SPAG16: variants seen among roughly 807,000 people sequenced by gnomAD.
SPAG16 encodes the protein sperm associated antigen 16.
Under a neutral mutation model 80.4 loss-of-function variants are expected in SPAG16, and 86 were observed. That is an observed-to-expected ratio of 1.07 (90% CI 0.90 to 1.28). SPAG16 has a LOEUF of 1.28. SPAG16 is among the 50% of genes most tolerant of loss of function. The pLI is 0.00. For missense variants in SPAG16, 870 were observed against 765.3 expected (o/e 1.14, Z -1.61); for synonymous variants, 294 against 265.9 (o/e 1.11, Z -1.03).
rs1231239311 is a variant in SPAG16 at position 214,173,587 on chromosome 2, C to T, written c.1720+24321C>T. Among the ~76,000 whole-genome samples the T allele has an allele frequency of 4.6e-5, 7 of 151,852 alleles. No homozygotes were observed. In the East Asian group the frequency reaches 1.4e-3, roughly 29 times the overall value. On this transcript the variant is annotated intron_variant, in intron 15 of 15. Transcript: ENST00000331683. ...CTGAAATTGTGGCAATAATCAATAG[C>T]TTACCAACCAAAAAGAGTCCAGGAC...
At chr2:214,370,806 C>T (rs757127015) in intron 15 of SPAG16, among the ~76,000 whole-genome samples, 37 of 152,134 alleles carry the variant, frequency 2.4e-4, no homozygotes, top group Non-Finnish European at 5.1e-4. Context: ...TTTATGGATG[C>T]CATTTTATTG....
intron 13 of SPAG16, among the ~76,000 whole-genome samples, chr2:214,091,800 C>G (rs1382096615): frequency 6.6e-6 from 1 of 152,052 alleles, no homozygotes; most frequent in African/African-American, 2.4e-5. Flanking sequence ...CCTACAATTC[C>G]TATCTTCTTC....
intron 10 of SPAG16, among the ~76,000 whole-genome samples, chr2:213,852,998 A>T (rs1349698706): frequency 6.6e-6 from 1 of 152,256 alleles, no homozygotes; most frequent in Non-Finnish European, 1.5e-5. Context: ...CAACCTGAAT[A>T]AAAGCATATG....
At chr2:213,287,678 G>A (rs905613184) in intron 1 of SPAG16, among the ~76,000 whole-genome samples, 10 of 152,112 alleles carry the variant, frequency 6.6e-5, no homozygotes, top group African/African-American at 2.4e-4. Context: ...CCAACCCCCA[G>A]CAGCAATTTC....
chr2:214,109,648 A>C (rs139618905), intron 14 of SPAG16, among the ~76,000 whole-genome samples: 1 of 152,208 alleles, frequency 6.6e-6, no homozygotes, highest in Non-Finnish European at 1.5e-5. Context: ...TGTCATTGTC[A>C]GGCCTGGGAA....
chr2:214,183,909 A>G (rs1001713788), intron 15 of SPAG16, among the ~76,000 whole-genome samples: 2 of 152,108 alleles, frequency 1.3e-5, no homozygotes, highest in African/African-American at 4.8e-5. Context: ...ATACAGGATA[A>G]GTACATATCT....
intron 10 of SPAG16, among the ~76,000 whole-genome samples, chr2:213,595,837 G>GT (rs768044209): frequency 1.3e-5 from 2 of 151,930 alleles, no homozygotes; most frequent in South Asian, 2.1e-4. Flanking sequence ...TTAGATAGCA[G>GT]TTTTTTTATT....
At chr2:214,011,207 T>A (rs1396952770) in intron 12 of SPAG16, among the ~76,000 whole-genome samples, 1 of 145,952 alleles carries the variant, frequency 6.9e-6, no homozygotes, top group East Asian at 2.0e-4. Flanking sequence ...TATACTAATA[T>A]TTAAAGATGA....
intron 6 of SPAG16, among the ~76,000 whole-genome samples, chr2:213,349,943 T>A (rs2065232739): frequency 6.6e-6 from 1 of 152,198 alleles, no homozygotes; most frequent in South Asian, 2.1e-4. Flanking sequence ...AGCTGTATGT[T>A]TTATCCATGT....
chr2:214,015,674 T>C (rs2047557988), intron 13 of SPAG16, among the ~76,000 whole-genome samples: 1 of 151,908 alleles, frequency 6.6e-6, no homozygotes, highest in South Asian at 2.1e-4. Context: ...AATGGTCATT[T>C]TGGAGGGAGG....
At chr2:213,788,893 A>G (rs2070510124) in intron 10 of SPAG16, among the ~76,000 whole-genome samples, 1 of 151,780 alleles carries the variant, frequency 6.6e-6, no homozygotes, top group African/African-American at 2.4e-5. Flanking sequence ...TTATTGTGCA[A>G]TTTCCATAGG....
At chr2:214,312,793 A>G (rs1695426405) in intron 15 of SPAG16, among the ~76,000 whole-genome samples, 1 of 152,176 alleles carries the variant, frequency 6.6e-6, no homozygotes, top group South Asian at 2.1e-4. Context: ...AGATATTCTA[A>G]GCAAAAAGTC....
chr2:214,122,679 T>TA (rs1198986649), intron 14 of SPAG16, among the ~76,000 whole-genome samples: 1 of 151,888 alleles, frequency 6.6e-6, no homozygotes, highest in Non-Finnish European at 1.5e-5. Context: ...CAATTTTGCT[T>TA]ACTTTTCCAG....
chr2:214,030,788 C>T (rs2048367255), intron 13 of SPAG16, among the ~76,000 whole-genome samples: 1 of 152,182 alleles, frequency 6.6e-6, no homozygotes, highest in South Asian at 2.1e-4. Flanking sequence ...ATTCCTGGGT[C>T]CCTTATCTAC....
chr2:213,351,149 AAAATT>A (rs919829293), intron 7 of SPAG16, among the ~76,000 whole-genome samples: 3 of 152,210 alleles, frequency 2.0e-5, no homozygotes, highest in Admixed American at 6.5e-5. Flanking sequence ...GTGTCTCAAA[AAAATT>A]AAATTAAATA....
At chr2:214,357,974 T>C (rs1698929558) in intron 15 of SPAG16, among the ~76,000 whole-genome samples, 1 of 151,904 alleles carries the variant, frequency 6.6e-6, no homozygotes, top group Non-Finnish European at 1.5e-5. Flanking sequence ...GATTAACAAT[T>C]TTCCTGGATT....
At chr2:214,250,361 T>C (rs1690161573) in intron 15 of SPAG16, among the ~76,000 whole-genome samples, 1 of 151,938 alleles carries the variant, frequency 6.6e-6, no homozygotes, top group Non-Finnish European at 1.5e-5. Context: ...GGGAATATTA[T>C]GGATTTTTGG....
intron 11 of SPAG16, among the ~76,000 whole-genome samples, chr2:213,866,743 G>A (rs1333810524): frequency 6.6e-6 from 1 of 152,126 alleles, no homozygotes; most frequent in African/African-American, 2.4e-5. Context: ...AGTCAAAACA[G>A]GAGCAAGGGT....
chr2:213,377,578 A>G (rs1422456205), intron 9 of SPAG16, among the ~76,000 whole-genome samples: 2 of 152,110 alleles, frequency 1.3e-5, no homozygotes, highest in Admixed American at 6.6e-5. Context: ...TGGGCTAGAC[A>G]TTTGCAGTGT....
Sources: gnomAD v4.1 joint callset for allele counts (sites outside exome capture counted in the v4.1 genomes callset) on GRCh38, gnomAD v4.1.1 for gene constraint, MANE v1.5 for transcripts, NCBI Gene and HGNC (gene_info 2026-07-23, HGNC 2026-07-21) for gene names.